Variants in HS3ST3A1 observed in about 807,000 individuals in gnomAD.
The protein encoded by HS3ST3A1 is heparan sulfate-glucosamine 3-sulfotransferase 3A1.
A neutral mutation model predicts 25.7 loss-of-function variants in HS3ST3A1; 19 were observed. The ratio of observed to expected loss-of-function variants is 0.74; its 90% CI spans 0.52 to 1.08. HS3ST3A1 has a LOEUF of 1.08. Ranked by LOEUF, HS3ST3A1 falls within the 50% of genes least tolerant of loss-of-function variation. The pLI, the probability that HS3ST3A1 is intolerant of heterozygous loss-of-function variation, is 0.00. For synonymous variants in HS3ST3A1, 226 were observed against 278.6 expected, an observed-to-expected ratio of 0.81 and a Z score of 1.88; for missense variants, 459 against 594.3, an observed-to-expected ratio of 0.77 and a Z score of 2.37.
At chr17:13,553,434 A>C (rs1414831898) in intron 1 of HS3ST3A1, among the ~76,000 whole-genome samples, 1 of 152,202 alleles carries the variant, frequency 6.6e-6, no homozygotes, top group Non-Finnish European at 1.5e-5. Context: ...AAATAACAGC[A>C]TCATTACAGA....
chr17:13,569,234 G>C (rs1008442509), intron 1 of HS3ST3A1, among the ~76,000 whole-genome samples: 1 of 152,114 alleles, frequency 6.6e-6, no homozygotes, highest in Non-Finnish European at 1.5e-5. Flanking sequence ...GCCCTGGCAG[G>C]ATTTCCTTAC....
chr17:13,562,445 A>G (rs1907574557), intron 1 of HS3ST3A1, among the ~76,000 whole-genome samples: 1 of 152,064 alleles, frequency 6.6e-6, no homozygotes, highest in Admixed American at 6.5e-5. Flanking sequence ...AAGTAACCCT[A>G]TCCAATTCCT....
chr17:13,566,840 T>C (rs1907687747), intron 1 of HS3ST3A1, among the ~76,000 whole-genome samples: 1 of 151,864 alleles, frequency 6.6e-6, no homozygotes, highest in South Asian at 2.1e-4. Context: ...GTTCATGGGG[T>C]TTAAAAAAAG....
At chr17:13,549,305 G>A (rs1211769944) in intron 1 of HS3ST3A1, among the ~76,000 whole-genome samples, 1 of 152,238 alleles carries the variant, frequency 6.6e-6, no homozygotes, top group East Asian at 1.9e-4. Context: ...CTGAACATCC[G>A]AAGGAACAAA....
At chr17:13,512,322 A>C (rs991219260) in intron 1 of HS3ST3A1, among the ~76,000 whole-genome samples, 3 of 143,208 alleles carry the variant, frequency 2.1e-5, no homozygotes, top group African/African-American at 5.3e-5. Context: ...AAAAAAAAAA[A>C]AAAAACTGCA....
chr17:13,548,183 C>T (rs75256972), intron 1 of HS3ST3A1, among the ~76,000 whole-genome samples: 1 of 152,070 alleles, frequency 6.6e-6, no homozygotes, highest in African/African-American at 2.4e-5. Context: ...GTTTATACAA[C>T]AAATATGTAT....
At chr17:13,595,846 GGTT>G (rs66635656) in intron 1 of HS3ST3A1, among the ~76,000 whole-genome samples, 46 of 18,740 alleles carry the variant, frequency 2.5e-3, no homozygotes, top group African/African-American at 5.7e-3. Context: ...AGGCCTTTTT[GGTT>G]GTTGTTGTTG....
At chr17:13,574,485 G>A (rs1437598718) in intron 1 of HS3ST3A1, among the ~76,000 whole-genome samples, 1 of 151,494 alleles carries the variant, frequency 6.6e-6, no homozygotes, top group East Asian at 2.0e-4. Flanking sequence ...TTGGGAGGCT[G>A]AGACAGGCGG....
chr17:13,586,532 G>A (rs1908271266), intron 1 of HS3ST3A1, among the ~76,000 whole-genome samples: 2 of 152,022 alleles, frequency 1.3e-5, no homozygotes, highest in Non-Finnish European at 2.9e-5. Context: ...CTCTTGAACT[G>A]TAGTTAACCC....
At chr17:13,554,599 T>C (rs1289298060) in intron 1 of HS3ST3A1, among the ~76,000 whole-genome samples, 1 of 152,204 alleles carries the variant, frequency 6.6e-6, no homozygotes, top group Non-Finnish European at 1.5e-5. Flanking sequence ...TTATTGCCTT[T>C]CTTGTTGAGG....
intron 1 of HS3ST3A1, among the ~76,000 whole-genome samples, chr17:13,599,566 T>G (rs935923605): frequency 6.6e-6 from 1 of 152,174 alleles, no homozygotes; most frequent in Non-Finnish European, 1.5e-5. Context: ...AGCAACATAA[T>G]TTTTACTGGT....
At chr17:13,553,054 C>A (rs1446962968) in intron 1 of HS3ST3A1, among the ~76,000 whole-genome samples, 4 of 152,114 alleles carry the variant, frequency 2.6e-5, no homozygotes, top group Non-Finnish European at 5.9e-5. Context: ...GTTAAAGCTT[C>A]TTTTGTTTTT....
At chr17:13,598,701 T>C (rs1786333404) in intron 1 of HS3ST3A1, among the ~76,000 whole-genome samples, 2 of 152,054 alleles carry the variant, frequency 1.3e-5, no homozygotes, top group Admixed American at 6.6e-5. Flanking sequence ...AAAAACTACT[T>C]GTGTTTCTAG....
At chr17:13,518,066 A>G (rs1906111720) in intron 1 of HS3ST3A1, among the ~76,000 whole-genome samples, 1 of 152,216 alleles carries the variant, frequency 6.6e-6, no homozygotes, top group Non-Finnish European at 1.5e-5. Context: ...GTAAAAATGG[A>G]GGCATATTCA....
intron 1 of HS3ST3A1, among the ~76,000 whole-genome samples, chr17:13,507,674 T>C (rs1456211044): frequency 6.6e-6 from 1 of 152,226 alleles, no homozygotes; most frequent in Admixed American, 6.5e-5. Context: ...AATGCAAAGG[T>C]AGTGTGCCTT....
chr17:13,556,057 G>T (rs921566505), intron 1 of HS3ST3A1: 1 of 152,098 alleles, frequency 6.6e-6, no homozygotes, highest in Non-Finnish European at 1.5e-5. Context: ...CCTAGTGAAG[G>T]GTGGCATCCA....
intron 1 of HS3ST3A1, among the ~76,000 whole-genome samples, chr17:13,574,119 C>A (rs1907887649): frequency 6.7e-6 from 1 of 149,900 alleles, no homozygotes; most frequent in Non-Finnish European, 1.5e-5. Flanking sequence ...AGTATATACC[C>A]ATTGCCATAT....
intron 1 of HS3ST3A1, among the ~76,000 whole-genome samples, chr17:13,527,133 G>A (rs1301886241): frequency 6.6e-6 from 1 of 152,154 alleles, no homozygotes; most frequent in South Asian, 2.1e-4. Flanking sequence ...GTGGGAAACA[G>A]CAGGTCCCAG....
At chr17:13,503,173 C>CAAAAAAAA (rs144678351) in intron 1 of HS3ST3A1, among the ~76,000 whole-genome samples, 1 of 86,868 alleles carries the variant, frequency 1.2e-5, no homozygotes, top group Non-Finnish European at 2.3e-5. Flanking sequence ...GACTCCATCT[C>CAAAAAAAA]AAAAAAAAAA....
Sources: allele counts gnomAD v4.1 joint callset (sites outside exome capture counted in the v4.1 genomes callset), GRCh38; gene constraint gnomAD v4.1.1; transcripts MANE v1.5; gene names NCBI Gene and HGNC (gene_info 2026-07-23, HGNC 2026-07-21).